MACROD2: variants seen among roughly 807,000 people sequenced by gnomAD.
The protein encoded by MACROD2 is mono-ADP ribosylhydrolase 2, also known as ADP-ribose glycohydrolase MACROD2.
A neutral mutation model predicts 70.4 loss-of-function variants in MACROD2; 36 were observed. That is an observed-to-expected ratio of 0.51 (90% confidence interval 0.39 to 0.68). The LOEUF (loss-of-function observed/expected upper bound fraction) is 0.68. MACROD2 is among the 30% of genes least tolerant of loss of function. The pLI is 0.00. For missense variants in MACROD2, 496 were observed against 538.4 expected, an observed-to-expected ratio of 0.92 and a Z score of 0.78; for synonymous variants, 172 against 178.8, an observed-to-expected ratio of 0.96 and a Z score of 0.30.
At chr20:15,793,777 A>G (rs1362629876) in intron 8 of MACROD2, among the ~76,000 whole-genome samples, 1 of 148,402 alleles carries the variant, frequency 6.7e-6, no homozygotes, top group Non-Finnish European at 1.5e-5. Context: ...ATATTTTAAG[A>G]ATATTGGGGA....
intron 5 of MACROD2, among the ~76,000 whole-genome samples, chr20:14,724,864 C>T (rs2123691402): frequency 6.6e-6 from 1 of 152,190 alleles, no homozygotes; most frequent in Middle Eastern, 3.4e-3. Flanking sequence ...GAGGAAGCAC[C>T]ATGGCTTGCT....
chr20:14,456,224 C>T (rs1884845985), intron 3 of MACROD2, among the ~76,000 whole-genome samples: 1 of 151,818 alleles, frequency 6.6e-6, no homozygotes, highest in Admixed American at 6.6e-5. Flanking sequence ...CAGTTTCATT[C>T]TTAATCTTTC....
chr20:16,039,570 A>C (rs2067280276), intron 15 of MACROD2, among the ~76,000 whole-genome samples: 1 of 151,936 alleles, frequency 6.6e-6, no homozygotes. Flanking sequence ...AAAGTCAAAT[A>C]TTTTGTTCTT....
At chr20:14,165,784 G>A (rs953919634) in intron 3 of MACROD2, among the ~76,000 whole-genome samples, 8 of 152,126 alleles carry the variant, frequency 5.3e-5, no homozygotes, top group African/African-American at 1.9e-4. Flanking sequence ...ATGCATTGAT[G>A]GATGAATGAA....
intron 8 of MACROD2, among the ~76,000 whole-genome samples, chr20:15,792,841 A>T (rs1600898996): frequency 6.6e-6 from 1 of 152,214 alleles, no homozygotes; most frequent in Admixed American, 6.5e-5. Flanking sequence ...ATATTCACAC[A>T]TGTTTTCTAA....
intron 6 of MACROD2, among the ~76,000 whole-genome samples, chr20:15,247,509 G>C (rs372989273): frequency 5.3e-5 from 8 of 152,146 alleles, no homozygotes; most frequent in African/African-American, 1.7e-4. Context: ...AAGCACAAGA[G>C]AGATGGAGAT....
chr20:15,948,267 T>A (rs2065853064), intron 12 of MACROD2, among the ~76,000 whole-genome samples: 1 of 150,770 alleles, frequency 6.6e-6, no homozygotes, highest in African/African-American at 2.4e-5. Context: ...CAATCATCTA[T>A]CACCTGAGAG....
At chr20:14,603,521 AT>A (rs1186102158) in intron 4 of MACROD2, among the ~76,000 whole-genome samples, 2 of 152,174 alleles carry the variant, frequency 1.3e-5, no homozygotes, top group Non-Finnish European at 1.5e-5. Context: ...TTGGAATTTC[AT>A]TTTTATTAAA....
intron 9 of MACROD2, among the ~76,000 whole-genome samples, chr20:15,863,057 G>A (rs1018138134): frequency 2.6e-5 from 4 of 151,610 alleles, no homozygotes; most frequent in East Asian, 1.9e-4. Flanking sequence ...CTTGGTTCTC[G>A]GTGCCTCACA....
intron 5 of MACROD2, among the ~76,000 whole-genome samples, chr20:15,096,389 T>A (rs115162155): frequency 0.012 from 1,756 of 147,900 alleles, 33 homozygotes; most frequent in African/African-American, 0.042. Context: ...TTCATGTATG[T>A]TTTTTCTCTT....
At chr20:14,099,481 G>A (rs1569158451) in intron 3 of MACROD2, among the ~76,000 whole-genome samples, 1 of 152,052 alleles carries the variant, frequency 6.6e-6, no homozygotes, top group Non-Finnish European at 1.5e-5. Context: ...TTGCAACATT[G>A]ATACATACCA....
intron 5 of MACROD2, among the ~76,000 whole-genome samples, chr20:15,025,971 T>C: frequency 6.6e-6 from 1 of 152,212 alleles, no homozygotes; most frequent in East Asian, 1.9e-4. Flanking sequence ...GGGATGCATT[T>C]GCATGCTCTG....
intron 4 of MACROD2, among the ~76,000 whole-genome samples, chr20:14,586,301 G>C (rs1981372531): frequency 6.6e-6 from 1 of 151,876 alleles, no homozygotes; most frequent in African/African-American, 2.4e-5. Context: ...TGATGTGTTT[G>C]CATATTCTTT....
chr20:15,562,443 AT>A (rs1305982482), intron 8 of MACROD2, among the ~76,000 whole-genome samples: 5 of 152,166 alleles, frequency 3.3e-5, no homozygotes, highest in Non-Finnish European at 7.3e-5. Flanking sequence ...GTCTCCTAAT[AT>A]TTTTTAACTA....
At chr20:15,991,605 AATACT>A (rs2066559859) in intron 15 of MACROD2, among the ~76,000 whole-genome samples, 1 of 152,212 alleles carries the variant, frequency 6.6e-6, no homozygotes, top group African/African-American at 2.4e-5. Flanking sequence ...ATTCATGCAA[AATACT>A]ATATACACTT....
intron 15 of MACROD2, among the ~76,000 whole-genome samples, chr20:16,019,452 A>T (rs2066972612): frequency 6.6e-6 from 1 of 152,188 alleles, no homozygotes; most frequent in African/African-American, 2.4e-5. Flanking sequence ...ATAGGAAAAA[A>T]TGTGGCACAG....
chr20:15,652,921 G>T (rs1490426873), intron 8 of MACROD2, among the ~76,000 whole-genome samples: 1 of 152,082 alleles, frequency 6.6e-6, no homozygotes, highest in African/African-American at 2.4e-5. Context: ...TAACACTAAA[G>T]CTACAACTAA....
intron 3 of MACROD2, among the ~76,000 whole-genome samples, chr20:14,294,314 C>T (rs1009810009): frequency 1.5e-4 from 22 of 150,388 alleles, no homozygotes; most frequent in African/African-American, 5.4e-4. Flanking sequence ...AAATAAAAAG[C>T]CTACTAGATG....
At chr20:15,763,985 A>G (rs2051480944) in intron 8 of MACROD2, among the ~76,000 whole-genome samples, 1 of 152,242 alleles carries the variant, frequency 6.6e-6, no homozygotes, top group Non-Finnish European at 1.5e-5. Context: ...AGATTTGCAT[A>G]ATTTCAATAA....
Sources: allele counts gnomAD v4.1 joint callset (sites outside exome capture counted in the v4.1 genomes callset), GRCh38; gene constraint gnomAD v4.1.1; transcripts MANE v1.5; gene names NCBI Gene and HGNC (gene_info 2026-07-23, HGNC 2026-07-21).